DNHD1: variants seen among roughly 807,000 people sequenced by gnomAD.
DNHD1 encodes dynein heavy chain domain-containing protein 1.
A neutral mutation model predicts 458.1 loss-of-function variants in DNHD1; 383 were observed. The observed-to-expected ratio is 0.84, with a 90% confidence interval of 0.77 to 0.91. DNHD1 has a LOEUF of 0.91. DNHD1 is among the 40% of genes least tolerant of loss of function. DNHD1 has a pLI of 0.00. For synonymous variants in DNHD1, 2,203 were observed against 2,376.9 expected (o/e 0.93, Z 2.13); for missense variants, 5,336 against 5,866.1 (o/e 0.91, Z 2.95).
At chr11:6,526,308 T>C (rs1852710513) in intron 10 of DNHD1, among the ~76,000 whole-genome samples, 1 of 152,160 alleles carries the variant, frequency 6.6e-6, no homozygotes, top group African/African-American at 2.4e-5. Flanking sequence ...TTCTGAGTTT[T>C]TCTAATTCTG....
intron 24 of DNHD1, among the ~76,000 whole-genome samples, chr11:6,551,712 G>A (rs1853348824): frequency 6.6e-6 from 1 of 152,184 alleles, no homozygotes; most frequent in African/African-American, 2.4e-5. Flanking sequence ...GGAGGCCAAG[G>A]AGGGCAGATC....
chr11:6,557,905 G>A lies in DNHD1; in HGVS notation c.8610G>A (p.Gln2870=), dbSNP rs1038060976. 2.6e-6 allele frequency: 4 copies of A among 1,551,150 alleles called. No homozygotes were observed. The highest frequency in any genetic ancestry group is 3.5e-6 in the Non-Finnish European group (4 of 1,146,966). ...TGGCCCGGTGTCATTCCATGGCCCA[G>A]CACGTGGCCCGCCTGGTCCGGGTGC... ...PHLARCHSMA[Q]HVARLVRVLA... Residue 2870 remains glutamine (Q), a synonymous_variant, in exon 25 of 43, where the codon CAG becomes CAA. Coordinates refer to ENST00000254579, the MANE Select transcript of DNHD1 (RefSeq NM_144666.3).
At chr11:6,551,347 C>T (rs1256359753) in intron 24 of DNHD1, among the ~76,000 whole-genome samples, 1 of 152,144 alleles carries the variant, frequency 6.6e-6, no homozygotes, top group Non-Finnish European at 1.5e-5. Flanking sequence ...CTTTAAATAT[C>T]TATCTTAGAG....
Position 6,565,841 on chromosome 11 carries a change from G to C in DNHD1, c.10903G>C (p.Glu3635Gln). Residue 3635 changes from glutamate (E) to glutamine (Q), a missense_variant, in exon 33 of 43, where the codon GAG becomes CAG. This residue lies in a region of DNHD1 where 695 missense variants were observed against 804.2 expected (regional missense o/e 0.86). Coordinates refer to ENST00000254579, the MANE Select transcript of DNHD1 (RefSeq NM_144666.3). ...AAAAAATGAGCAGGAGAAAGAGCAAGAGGAAAATGAAGAGAAAGAGGAGGA... is the reference window on the plus strand; with the variant it reads ...AAAAAATGAGCAGGAGAAAGAGCAACAGGAAAATGAAGAGAAAGAGGAGGA... ...ERKNEQEKEQEENEEKEEEKT... is the reference protein window; with the variant it reads ...ERKNEQEKEQQENEEKEEEKT... 1 of 1,551,730 alleles carries C rather than the reference G, an allele frequency of 6.4e-7. No individual in the cohort carries two copies. The highest frequency in any genetic ancestry group is 1.2e-5 in the South Asian group (1 of 84,058).
At chr11:6,561,681 A>C (rs1202582396) in intron 28 of DNHD1, among the ~76,000 whole-genome samples, 1 of 152,216 alleles carries the variant, frequency 6.6e-6, no homozygotes, top group Non-Finnish European at 1.5e-5. Context: ...GAGCTCAAAA[A>C]CATTCACTAA....
Position 6,556,784 on chromosome 11 carries a change from A to G in DNHD1, c.7489A>G (p.Thr2497Ala), listed in dbSNP as rs1358055188. ...STLELQTLQP[T>A]VNFLATVTVP... ...CTTGGAACTGCAGACGCTGCAGCCTACAGTCAACTTCCTTGCCACTGTCAC... is the reference window on the plus strand; with the variant it reads ...CTTGGAACTGCAGACGCTGCAGCCTGCAGTCAACTTCCTTGCCACTGTCAC... Residue 2497 changes from threonine to alanine, a missense_variant, in exon 25 of 43, where the codon ACA (threonine) becomes GCA (alanine). Coordinates refer to ENST00000254579, the MANE Select transcript of DNHD1 (RefSeq NM_144666.3). 6.4e-7 allele frequency: 1 copy of G among 1,551,646 alleles called. No homozygotes were observed. The highest frequency in any genetic ancestry group is 1.7e-4 in the Middle Eastern group (1 of 5,992).
At position 6,558,699 on chromosome 11, in the gene DNHD1, C is replaced by G; in HGVS notation, c.9211+6C>G. The G allele has an allele frequency of 6.5e-7, 1 of 1,548,156 alleles. No homozygotes were observed. The highest frequency in any genetic ancestry group is 8.7e-7 in the Non-Finnish European group (1 of 1,146,902). ...GAGTGTGCCCCTTGATGACGGTAAGCCCTTTTTACTTGTCCTTACCACTCA... is the reference window on the plus strand; with the variant it reads ...GAGTGTGCCCCTTGATGACGGTAAGGCCTTTTTACTTGTCCTTACCACTCA... On this transcript the variant is annotated splice_donor_region_variant and intron_variant, in intron 26 of 42. Transcript: ENST00000254579.
chr11:6,548,125 T>C lies in DNHD1; in HGVS notation c.6905+85T>C. ...GTAAAAACCCACATGACATCACTGT[T>C]AGGGTATGGTGGAGTGTGTGAGTGT... is the stretch of plus-strand genomic sequence containing the variant. On this transcript the variant is annotated intron_variant, in intron 22 of 42. Transcript: ENST00000254579. This position sits in a 1 kb window ranked among gnomAD's most constrained non-coding sequence, Gnocchi z 4.4. 2 of 1,545,258 alleles carry C rather than the reference T, an allele frequency of 1.3e-6. No homozygotes were observed. Among genetic ancestry groups the C allele is most frequent in the Non-Finnish European group, 1.8e-6 (2 of 1,141,342 alleles).
At chr11:6,570,439 C>T (rs1019198638) in intron 41 of DNHD1, 43 bp downstream of exon 41, 8 of 1,554,490 alleles carry the variant, frequency 5.1e-6, no homozygotes, top group East Asian at 2.3e-5. Context: ...GGGAATAGTG[C>T]AATGCAATGC....
rs1478321174 is a variant in DNHD1 at position 6,558,317 on chromosome 11, A to T, written c.9002+20A>T. ...GCAGAGGTGAGGCCAAGAACCCCAT[A>T]TGCGAATCTGCTCTGCTCTTACGCT... is the stretch of plus-strand genomic sequence containing the variant. On this transcript the variant is annotated intron_variant, in intron 25 of 42. Coordinates refer to ENST00000254579, the MANE Select transcript of DNHD1 (RefSeq NM_144666.3). The T allele has an allele frequency of 6.5e-7, 1 of 1,546,864 alleles. No homozygotes were observed. The highest frequency in any genetic ancestry group is 8.7e-7 in the Non-Finnish European group (1 of 1,144,756).
In DNHD1 at chr11:6,567,446, G is replaced by A. The variant is rs372871649; in HGVS notation, c.11937G>A (p.Pro3979=). The change falls in exon 36 of 43, where the codon CCG becomes CCA. Residue 3979 remains proline, a synonymous_variant. Coordinates refer to ENST00000254579, the MANE Select transcript of DNHD1 (RefSeq NM_144666.3). ...AGCCAGTCTCAGATGTGGCTCGACC[G>A]GCCTGGCTTGGGCCAAAAGCCTGGC... ...HSKPVSDVAR[P]AWLGPKAWHE... 69 of 1,610,578 alleles carry A rather than the reference G, an allele frequency of 4.3e-5. No individual in the cohort carries two copies. Among genetic ancestry groups the A allele is most frequent in the Non-Finnish European group, 5.6e-5 (66 of 1,178,584 alleles).
chr11:6,549,028 G>A (rs1589887407), intron 24 of DNHD1, 95 bp downstream of exon 24: 1 of 1,339,554 alleles, frequency 7.5e-7, no homozygotes, highest in Admixed American at 2.5e-5. Flanking sequence ...ATATATGTCT[G>A]TAGATCTAAC....
At chr11:6,509,401 C>G in intron 6 of DNHD1, 129 bp downstream of exon 6, 1 of 734,182 alleles carries the variant, frequency 1.4e-6, no homozygotes, top group South Asian at 1.9e-5. Context: ...ATCCTACCAA[C>G]CACTATGAAC....
intron 6 of DNHD1, among the ~76,000 whole-genome samples, 193 bp from the exon 7 acceptor site, chr11:6,511,080 G>A (rs548515955): frequency 1.3e-5 from 2 of 152,312 alleles, no homozygotes; most frequent in East Asian, 3.9e-4. Flanking sequence ...GTATAGCTGA[G>A]AAAGCAGCTT....
chr11:6,497,819 CT>C lies in DNHD1; in HGVS notation c.-395del. 4.9e-6 allele frequency: 1 copy of C among 206,036 alleles called. No homozygotes were observed. Among genetic ancestry groups the C allele is most frequent in the Non-Finnish European group, 9.9e-6 (1 of 101,424 alleles). The allele number at this position is 206,036 out of a possible 1,614,324, so 12.8% of individuals were successfully genotyped here. A position where few individuals can be genotyped will look rare whatever the true frequency, so the allele number is the denominator to read the frequency against. ...AGCAGATCGGGCTCTCTTCCCTTGCCTTGCCTCCTAACCCCCCTAGGCCAGG... is the reference window on the plus strand; with the variant it reads ...AGCAGATCGGGCTCTCTTCCCTTGCCTGCCTCCTAACCCCCCTAGGCCAGG... On this transcript the variant is annotated 5_prime_UTR_variant, in exon 3 of 43. The change creates a premature stop within an existing upstream ORF in the 5' untranslated region. Coordinates refer to ENST00000254579, the MANE Select transcript of DNHD1 (RefSeq NM_144666.3).
Position 6,512,875 on chromosome 11 carries a change from C to T in DNHD1, c.1392+1446C>T, listed in dbSNP as rs183833099. ...TACACAAAGAGCCTCTGCATTTTTA[C>T]GACTTTGCACTGATTGGACTCTTCA... On this transcript the variant is annotated intron_variant, in intron 7 of 42. Transcript: ENST00000254579. Among the ~76,000 whole-genome samples the T allele has an allele frequency of 1.6e-3, 247 of 152,188 alleles. 1 individual carries two copies. The highest frequency in any genetic ancestry group is 2.0e-3 in the Non-Finnish European group (135 of 68,004).
intron 6 of DNHD1, among the ~76,000 whole-genome samples, chr11:6,510,597 G>C (rs767502999): frequency 3.9e-5 from 6 of 152,076 alleles, no homozygotes; most frequent in Non-Finnish European, 7.4e-5. Flanking sequence ...AGGGACTTTA[G>C]TATTTGAGCC....
At chr11:6,523,492 G>T (rs1288037944) in intron 10 of DNHD1, among the ~76,000 whole-genome samples, 1 of 152,074 alleles carries the variant, frequency 6.6e-6, no homozygotes, top group East Asian at 1.9e-4. Context: ...TGCTCTGTGT[G>T]GAATGTCTGA....
At position 6,567,591 on chromosome 11, in the gene DNHD1, C is replaced by T. The variant is rs1853737148; in HGVS notation, c.12082C>T (p.Pro4028Ser). The change falls in exon 36 of 43, where the codon CCT becomes TCT. Residue 4028 changes from proline to serine, a missense_variant. By Grantham distance (74) the Pro-to-Ser change is moderately conservative (BLOSUM62 -1). Coordinates refer to ENST00000254579, the MANE Select transcript of DNHD1 (RefSeq NM_144666.3). Reference protein sequence around the residue: ...SLSSTVLGPAPGPGPEPLSLL... With the variant: ...SLSSTVLGPASGPGPEPLSLL... ...GTCATCCACAGTGCTGGGTCCTGCACCTGGGCCAGGGCCTGAGCCACTCAG... is the reference window on the plus strand; with the variant it reads ...GTCATCCACAGTGCTGGGTCCTGCATCTGGGCCAGGGCCTGAGCCACTCAG... 2 of 1,613,478 alleles carry T rather than the reference C, an allele frequency of 1.2e-6. No individual in the cohort carries two copies.
Sources: gnomAD v4.1 joint callset for allele counts (sites outside exome capture counted in the v4.1 genomes callset) on GRCh38, gnomAD v4.1.1 for gene constraint, gnomAD v4.1.1 regional missense constraint, Gnocchi (gnomAD v3.1) non-coding constraint, MANE v1.5 for transcripts, NCBI Gene and HGNC (gene_info 2026-07-23, HGNC 2026-07-21) for gene names.